The following LIPT1 variants were observed in gnomAD, a reference collection of about 807,000 sequenced individuals.
The protein encoded by LIPT1 is lipoyl amidotransferase LIPT1, mitochondrial.
LIPT1 carries 22 observed loss-of-function variants against 25.1 expected under a neutral mutation model. The observed-to-expected ratio is 0.88, with a 90% confidence interval of 0.63 to 1.25. LIPT1 has a LOEUF of 1.25. LIPT1 is among the 50% of genes most tolerant of loss of function. The probability of loss-of-function intolerance (pLI) is 0.00; values close to 1 mark genes in which losing one functional copy is unlikely to be tolerated. For missense variants in LIPT1, 399 were observed against 432.8 expected, an observed-to-expected ratio of 0.92 and a Z score of 0.69; for synonymous variants, 131 against 150.8, an observed-to-expected ratio of 0.87 and a Z score of 0.96.
Position 99,162,394 on chromosome 2 carries a change from T to G in LIPT1, c.437T>G (p.Val146Gly). The change falls in exon 2 of 2, where the codon GTG becomes GGG. Residue 146 changes from valine to glycine, a missense_variant. By Grantham distance (109) the Val-to-Gly change is moderately radical. Coordinates refer to ENST00000651691, the MANE Select transcript of LIPT1 (RefSeq NM_145199.3). ...ALNAVQPQLD[V>G]QATKRFDLLL... ...AATGCTGTCCAACCCCAGCTGGATG[T>G]GCAGGCTACCAAAAGATTTGACCTT... 6.2e-7 allele frequency: 1 copy of G among 1,614,056 alleles called. No individual in the cohort carries two copies. The highest frequency in any genetic ancestry group is 2.2e-5 in the East Asian group (1 of 44,888).
chr2:99,155,126 C>T (rs987173604), intron 1 of LIPT1, 75 bp downstream of exon 1: 4 of 449,074 alleles, frequency 8.9e-6, no homozygotes, highest in Admixed American at 2.4e-5. Flanking sequence ...GTCTTGGGCG[C>T]GCGCGGTGTT....
intron 1 of LIPT1, among the ~76,000 whole-genome samples, chr2:99,155,790 G>A (rs998636666): frequency 6.6e-6 from 1 of 152,216 alleles, no homozygotes; most frequent in Non-Finnish European, 1.5e-5. Flanking sequence ...TTCTCTAGGG[G>A]AGAGAGGGTA....
intron 1 of LIPT1, among the ~76,000 whole-genome samples, chr2:99,159,474 C>CTGT (rs1470042782): frequency 6.6e-6 from 1 of 152,216 alleles, no homozygotes; most frequent in Non-Finnish European, 1.5e-5. Context: ...AGTCCATTAA[C>CTGT]TGTTCCCCCT....
At chr2:99,161,698 A>C in intron 1 of LIPT1, 1 of 359,052 alleles carries the variant, frequency 2.8e-6, no homozygotes, top group African/African-American at 2.1e-5. Context: ...GATATATTAC[A>C]TAATGTATTT....
chr2:99,161,364 T>C (rs1339819256), intron 1 of LIPT1: 1 of 122,746 alleles, frequency 8.1e-6, no homozygotes, highest in African/African-American at 3.3e-5. Context: ...GAAATAATAG[T>C]ATGGGGAGGG....
intron 1 of LIPT1, chr2:99,161,374 G>A (rs1308509571): frequency 1.5e-5 from 2 of 129,610 alleles, no homozygotes; most frequent in African/African-American, 6.1e-5. Flanking sequence ...TATGGGGAGG[G>A]AAATGTGTGT....
chr2:99,156,720 G>A (rs1174193857), intron 1 of LIPT1: 1 of 152,176 alleles, frequency 6.6e-6, no homozygotes, highest in African/African-American at 2.4e-5. Context: ...ACAATACCTG[G>A]ATGAAGAGAG....
chr2:99,157,007 C>G (rs1367071411), intron 1 of LIPT1, among the ~76,000 whole-genome samples: 1 of 152,216 alleles, frequency 6.6e-6, no homozygotes, highest in African/African-American at 2.4e-5. Context: ...ACATGAATGG[C>G]TTATGCATAT....
chr2:99,157,561 C>T (rs1180273149), intron 1 of LIPT1, among the ~76,000 whole-genome samples: 1 of 152,218 alleles, frequency 6.6e-6, no homozygotes, highest in Non-Finnish European at 1.5e-5. Flanking sequence ...CACTGATAAC[C>T]TTCTTGATAC....
chr2:99,158,722 T>C (rs147851933), intron 1 of LIPT1, among the ~76,000 whole-genome samples: 38 of 152,344 alleles, frequency 2.5e-4, no homozygotes, highest in African/African-American at 8.9e-4. Flanking sequence ...TGTTGCACAT[T>C]GTTAGAATTC....
At chr2:99,158,616 T>C (rs2093767946) in intron 1 of LIPT1, among the ~76,000 whole-genome samples, 1 of 152,168 alleles carries the variant, frequency 6.6e-6, no homozygotes, top group Non-Finnish European at 1.5e-5. Context: ...CATCTACTTC[T>C]CTTGCCTTCT....
chr2:99,157,774 G>A (rs559050948), intron 1 of LIPT1, among the ~76,000 whole-genome samples: 6 of 151,984 alleles, frequency 3.9e-5, no homozygotes, highest in South Asian at 4.2e-4. Flanking sequence ...GTCTTATGTC[G>A]CAGGCCCTTA....
chr2:99,161,082 T>C (rs952428050), intron 1 of LIPT1, among the ~76,000 whole-genome samples: 1 of 150,140 alleles, frequency 6.7e-6, no homozygotes, highest in Non-Finnish European at 1.5e-5. Flanking sequence ...ATGGCCAACA[T>C]GGTGAAACCC....
At chr2:99,158,872 T>C (rs1285872003) in intron 1 of LIPT1, among the ~76,000 whole-genome samples, 2 of 152,338 alleles carry the variant, frequency 1.3e-5, no homozygotes, top group East Asian at 3.9e-4. Context: ...TTTTTTAGTA[T>C]CTCCCACTAG....
chr2:99,159,298 C>T (rs1049510738), intron 1 of LIPT1, among the ~76,000 whole-genome samples: 3 of 152,168 alleles, frequency 2.0e-5, no homozygotes, highest in East Asian at 1.9e-4. Context: ...CTCCTGACCT[C>T]GTGATCCGCC....
chr2:99,156,077 T>G (rs2105181865), intron 1 of LIPT1, among the ~76,000 whole-genome samples: 1 of 152,284 alleles, frequency 6.6e-6, no homozygotes, highest in East Asian at 1.9e-4. Flanking sequence ...CTCTGTGTGA[T>G]TTTTTCTTAT....
chr2:99,155,330 G>A (rs1367028204), intron 1 of LIPT1: 2 of 371,452 alleles, frequency 5.4e-6, no homozygotes, highest in Non-Finnish European at 1.1e-5. Flanking sequence ...AGCCAAAAGG[G>A]CGAAGTAAAA....
chr2:99,159,178 T>C (rs1166670786), intron 1 of LIPT1, among the ~76,000 whole-genome samples: 1 of 151,744 alleles, frequency 6.6e-6, no homozygotes, highest in African/African-American at 2.4e-5. Flanking sequence ...TCCGCCTGCC[T>C]CGGCCTCCCA....
intron 1 of LIPT1, among the ~76,000 whole-genome samples, chr2:99,159,458 T>G (rs2093772507): frequency 6.6e-6 from 1 of 152,202 alleles, no homozygotes; most frequent in Non-Finnish European, 1.5e-5. Context: ...CATGGACAAC[T>G]GCCTTAGTCC....
Sources: gnomAD v4.1 joint callset for allele counts (sites outside exome capture counted in the v4.1 genomes callset) on GRCh38, gnomAD v4.1.1 for gene constraint, MANE v1.5 for transcripts, NCBI Gene and HGNC (gene_info 2026-07-23, HGNC 2026-07-21) for gene names.